Variants in LYSMD3 observed in about 807,000 individuals in gnomAD.
LYSMD3 encodes lysM and putative peptidoglycan-binding domain-containing protein 3.
A neutral mutation model predicts 26.1 loss-of-function variants in LYSMD3; 13 were observed. The ratio of observed to expected loss-of-function variants is 0.50; its 90% confidence interval spans 0.32 to 0.79. The LOEUF is 0.79. LYSMD3 is among the 30% of genes least tolerant of loss of function. LYSMD3 has a pLI of 0.03. For missense variants in LYSMD3, 331 were observed against 362.5 expected (o/e 0.91, Z 0.71); for synonymous variants, 109 against 119.4 (o/e 0.91, Z 0.57).
At chr5:90,526,040 A>G (rs1166527474) in intron 1 of LYSMD3, among the ~76,000 whole-genome samples, 1 of 152,220 alleles carries the variant, frequency 6.6e-6, no homozygotes, top group Non-Finnish European at 1.5e-5. Flanking sequence ...TTGTGACTAT[A>G]TAACTTATAG....
rs751038811 is a variant in LYSMD3 at position 90,518,982 on chromosome 5, G to T, written c.758C>A (p.Thr253Lys). 3.1e-6 allele frequency: 5 copies of T among 1,613,922 alleles called. No individual in the cohort carries two copies. The highest frequency in any genetic ancestry group is 4.2e-6 in the Non-Finnish European group (5 of 1,179,968). Reference sequence around the variant, plus strand: ...TGAATGTAAATGTGAAGAGTCCACTGTTGAATGATGACTAACATCCACCTT... The same window carrying T: ...TGAATGTAAATGTGAAGAGTCCACTTTTGAATGATGACTAACATCCACCTT... ...LAKVDVSHHS[T>K]VDSSHLHSKI... Residue 253 changes from threonine (T) to lysine (K), a missense_variant, in exon 3 of 3, where the codon ACA (threonine) becomes AAA (lysine). Thr to Lys is a moderately conservative substitution (Grantham distance 78, BLOSUM62 -1). Around this residue, in one of 3 missense-constraint regions of LYSMD3, gnomAD observed 61 missense variants for 66.8 expected, o/e 0.91. Coordinates refer to ENST00000315948, the MANE Select transcript of LYSMD3 (RefSeq NM_198273.2).
chr5:90,522,209 G>C (rs1213904189), intron 2 of LYSMD3, among the ~76,000 whole-genome samples: 2 of 152,138 alleles, frequency 1.3e-5, no homozygotes, highest in African/African-American at 4.8e-5. Context: ...TCTTCTTCCT[G>C]CTCCAGCCAT....
At chr5:90,520,980 G>C (rs529013511) in intron 2 of LYSMD3, among the ~76,000 whole-genome samples, 55 of 151,806 alleles carry the variant, frequency 3.6e-4, no homozygotes, top group Admixed American at 2.0e-3. Context: ...ACTAGAAAAA[G>C]CCTGAGAGAA....
In LYSMD3 at chr5:90,516,330, T is replaced by G. The variant is rs1321911561; in HGVS notation, c.*2489A>C. On this transcript the variant is annotated 3_prime_UTR_variant, in exon 3 of 3. Transcript: ENST00000315948. ...ATAAAACTATCAGCTTTTTGTTTACTTGCTAACTCCAAAATTTTAAGTAAA... is the reference window on the plus strand; with the variant it reads ...ATAAAACTATCAGCTTTTTGTTTACGTGCTAACTCCAAAATTTTAAGTAAA... The G allele has an allele frequency of 6.6e-6, 1 of 152,156 alleles. No individual in the cohort carries two copies. The highest frequency in any genetic ancestry group is 1.5e-5 in the Non-Finnish European group (1 of 67,970). 9.4% of individuals were successfully genotyped at this position (152,156 alleles called of 1,614,324 possible). A position where few individuals can be genotyped will look rare whatever the true frequency, so the allele number is the denominator to read the frequency against.
Position 90,519,119 on chromosome 5 carries a change from G to C in LYSMD3, c.621C>G (p.Asp207Glu). 1 of 1,614,100 alleles carries C rather than the reference G, an allele frequency of 6.2e-7. No homozygotes were observed. Among genetic ancestry groups the C allele is most frequent in the South Asian group, 1.1e-5 (1 of 91,082 alleles). ...EPDNKNTQRK[D>E]PYYGADWGIG... ...TTCCCCAGTCTGCTCCATAATAGGGGTCTTTACGTTGAGTGTTTTTGTTAT... is the reference window on the plus strand; with the variant it reads ...TTCCCCAGTCTGCTCCATAATAGGGCTCTTTACGTTGAGTGTTTTTGTTAT... Residue 207 changes from aspartate to glutamate, a missense_variant, in exon 3 of 3, where the codon GAC becomes GAG. Transcript: ENST00000315948.
intron 1 of LYSMD3, among the ~76,000 whole-genome samples, chr5:90,529,051 T>C: frequency 6.6e-6 from 1 of 152,212 alleles, no homozygotes; most frequent in Non-Finnish European, 1.5e-5. Flanking sequence ...AGTTTTTCTT[T>C]CCCTGCTATC....
intron 2 of LYSMD3, among the ~76,000 whole-genome samples, chr5:90,521,354 T>G (rs1339947164): frequency 6.6e-6 from 1 of 151,988 alleles, no homozygotes; most frequent in African/African-American, 2.4e-5. Context: ...ACCAGAAACC[T>G]GAAAAGTCAA....
At chr5:90,522,093 G>T (rs1241215862) in intron 2 of LYSMD3, among the ~76,000 whole-genome samples, 1 of 152,122 alleles carries the variant, frequency 6.6e-6, no homozygotes, top group African/African-American at 2.4e-5. Flanking sequence ...GGTGGGGCCT[G>T]GGGGAGGTGA....
chr5:90,520,360 T>C (rs1308133057), intron 2 of LYSMD3: 2 of 455,952 alleles, frequency 4.4e-6, no homozygotes, highest in Non-Finnish European at 8.8e-6. Context: ...TAATCATGTA[T>C]CACCTGATTC....
Position 90,519,295 on chromosome 5 carries a change from CATT to C in LYSMD3, c.442_444del (p.Asn148del). 6.2e-7 allele frequency: 1 copy of C among 1,614,040 alleles called. No homozygotes were observed. On this transcript the variant is annotated inframe_deletion, in exon 3 of 3. Coordinates refer to ENST00000315948, the MANE Select transcript of LYSMD3 (RefSeq NM_198273.2). ...GCTGAGTCACTGTAAGCAAGAGAAT[CATT>C]AGCTGGCAAAATTTCCTGTTGTTCG... is the stretch of plus-strand genomic sequence containing the variant.
intron 2 of LYSMD3, among the ~76,000 whole-genome samples, chr5:90,520,171 T>C (rs557655307): frequency 6.6e-6 from 1 of 152,330 alleles, no homozygotes; most frequent in African/African-American, 2.4e-5. Context: ...GCTTTTTCTC[T>C]ATATATTATA....
Position 90,525,044 on chromosome 5 carries a change from G to A in LYSMD3, c.246C>T (p.Tyr82=). The A allele has an allele frequency of 1.2e-6, 2 of 1,602,828 alleles. No individual in the cohort carries two copies. The highest frequency in any genetic ancestry group is 1.7e-5 in the Admixed American group (1 of 59,218). Residue 82 remains tyrosine (Y), a synonymous_variant, in exon 2 of 3, where the codon TAC becomes TAT. Coordinates refer to ENST00000315948, the MANE Select transcript of LYSMD3 (RefSeq NM_198273.2). ...TAATATTAAAACTTACCGTACAACA[G>A]TACTGAAGGGCTATTGCATTTAATG... ...GDTLNAIALQ[Y]CCTVADIKRV... is the part of the protein sequence containing the mutation.
Position 90,518,678 on chromosome 5 carries a change from C to A in LYSMD3, c.*141G>T, listed in dbSNP as rs988364116. On this transcript the variant is annotated 3_prime_UTR_variant, in exon 3 of 3. Coordinates refer to ENST00000315948, the MANE Select transcript of LYSMD3 (RefSeq NM_198273.2). ...AACAACTAGTTGCTCAAAAAATTTT[C>A]AAAGTGTGAAACCCTTTTGTTAAAA... is the stretch of plus-strand genomic sequence containing the variant. The A allele has an allele frequency of 2.3e-5, 18 of 791,082 alleles. No homozygotes were observed. The highest frequency in any genetic ancestry group is 6.5e-5 in the Admixed American group (2 of 30,910). 49.0% of individuals were successfully genotyped at this position (791,082 alleles called of 1,614,324 possible).
chr5:90,521,898 C>A (rs1753097546), intron 2 of LYSMD3, among the ~76,000 whole-genome samples: 1 of 152,032 alleles, frequency 6.6e-6, no homozygotes, highest in South Asian at 2.1e-4. Flanking sequence ...TAGCTACTTA[C>A]TGTATTTTTT....
chr5:90,525,191 C>T lies in LYSMD3; in HGVS notation c.99G>A (p.Leu33=). 1 of 1,614,060 alleles carries T rather than the reference C, an allele frequency of 6.2e-7. No individual in the cohort carries two copies. Among genetic ancestry groups the T allele is most frequent in the South Asian group, 1.1e-5 (1 of 91,076 alleles). ...GTTCATACACTTCAGCATCCTCCTC[C>T]AAAATATCACTGTCTGAACAATTTC... ...AFGNCSDSDI[L]EEDAEVYELR... is the part of the protein sequence containing the mutation. The change falls in exon 2 of 3, where the codon TTG becomes TTA. Residue 33 remains leucine (L), a synonymous_variant. Transcript: ENST00000315948.
rs527304530 is a variant in LYSMD3, at chr5:90,522,247, T to A, written c.256-2763A>T. Among the ~76,000 whole-genome samples the A allele has an allele frequency of 3.8e-4, 58 of 152,356 alleles. 1 individual carries two copies. Among genetic ancestry groups the A allele is most frequent in the African/African-American group, 1.3e-3 (56 of 41,580 alleles). The stretch of plus-strand genomic sequence containing the variant: ...GAAAATGCCTGCTCTGGCTTTGCCT[T>A]CTGCCGTTAAGTAAAAGCTCTCTGA... On this transcript the variant is annotated intron_variant, in intron 2 of 2. Transcript: ENST00000315948.
chr5:90,520,271 T>C (rs1442444008), intron 2 of LYSMD3: 2 of 407,206 alleles, frequency 4.9e-6, no homozygotes, highest in African/African-American at 4.1e-5. Context: ...GAGGGGAGTG[T>C]CTGGCAGATT....
chr5:90,516,650 G>A lies in LYSMD3; in HGVS notation c.*2169C>T, dbSNP rs1007209959. On this transcript the variant is annotated 3_prime_UTR_variant, in exon 3 of 3. Transcript: ENST00000315948. ...ACAGATTAGAACCATAATTCAATAT[G>A]TAACCTTTATATAGAATTATATGTA... is the stretch of plus-strand genomic sequence containing the variant. The A allele has an allele frequency of 2.0e-5, 3 of 152,082 alleles. No homozygotes were observed. Among genetic ancestry groups the A allele is most frequent in the Non-Finnish European group, 4.4e-5 (3 of 67,898 alleles). 9.4% of individuals were successfully genotyped at this position (152,082 alleles called of 1,614,324 possible).
In LYSMD3 at chr5:90,519,495, G is replaced by GT; in HGVS notation, c.256-12_256-11insA. 2 of 1,556,546 alleles carry GT rather than the reference G, an allele frequency of 1.3e-6. No individual in the cohort carries two copies. On this transcript the variant is annotated splice_polypyrimidine_tract_variant and intron_variant, in intron 2 of 2. Transcript: ENST00000315948. The stretch of plus-strand genomic sequence containing the variant: ...CTTGATATCTGCTACCTGTGGGGGG[G>GT]AAAAAAAAGCAACATACAACTGAAT...
Sources: allele counts gnomAD v4.1 joint callset (sites outside exome capture counted in the v4.1 genomes callset), GRCh38; gene constraint gnomAD v4.1.1; regional missense constraint gnomAD v4.1.1; transcripts MANE v1.5; gene names NCBI Gene and HGNC (gene_info 2026-07-23, HGNC 2026-07-21).